DNAAF8: variants seen among roughly 807,000 people sequenced by gnomAD.
DNAAF8 encodes the protein dynein axonemal assembly factor 8.
In DNAAF8, 61 loss-of-function variants were observed where a neutral mutation model predicts 54.6. The observed-to-expected ratio is 1.12, with a 90% CI of 0.91 to 1.38. The LOEUF (loss-of-function observed/expected upper bound fraction) is 1.38, where lower values mean the gene tolerates loss of function less well. Among genes scored for constraint, DNAAF8 ranks in the 40% most tolerant of loss-of-function variants. The pLI, the probability that DNAAF8 is intolerant of heterozygous loss-of-function variation, is 0.00. For synonymous variants in DNAAF8, 320 were observed against 270.1 expected (o/e 1.18, Z -1.81); for missense variants, 837 against 665.0 (o/e 1.26, Z -2.85).
intron 1 of DNAAF8, 67 bp from the exon 2 acceptor site, chr16:4,736,397 G>A (rs944705781): frequency 3.3e-6 from 4 of 1,201,774 alleles, no homozygotes; most frequent in South Asian, 2.4e-5. Flanking sequence ...ACAGCTGGTA[G>A]AGCAGCCCCT....
rs949441911 is a variant in DNAAF8, at chr16:4,737,677, G to A, written c.130-123G>A. On this transcript the variant is annotated intron_variant, in intron 2 of 9. Transcript: ENST00000299320. The stretch of plus-strand genomic sequence containing the variant: ...AGGCTCCTGAGCAGCAGGGCTGGAC[G>A]GGCTGGATGGGCTGGGCGGGCTGGG... The A allele has an allele frequency of 7.2e-6, 9 of 1,251,016 alleles. No individual in the cohort carries two copies. In the Admixed American group the frequency reaches 7.6e-5, roughly 11 times the overall value. The allele number at this position is 1,251,016 out of a possible 1,614,324, so 77.5% of individuals were successfully genotyped here.
Position 4,748,723 on chromosome 16 carries a change from AG to A in DNAAF8, c.*10del, listed in dbSNP as rs1413388068. Reference sequence around the variant, plus strand: ...TGTTTGTCTCCCCAACCTTGTCTCCAGGATGTGTCCTGCTGTCTGCCCCGTG... The same window carrying A: ...TGTTTGTCTCCCCAACCTTGTCTCCAGATGTGTCCTGCTGTCTGCCCCGTG... On this transcript the variant is annotated splice_acceptor_variant, in intron 9 of 9. Transcript: ENST00000299320. LOFTEE classifies it low-confidence loss of function (3UTR_SPLICE). 3.9e-5 allele frequency: 6 copies of A among 152,434 alleles called. No homozygotes were observed. The highest frequency in any genetic ancestry group is 7.3e-5 in the Non-Finnish European group (5 of 68,206). The allele number at this position is 152,434 out of a possible 1,614,324, so 9.4% of individuals were successfully genotyped here. A position where few individuals can be genotyped will look rare whatever the true frequency, so the allele number is the denominator to read the frequency against.
chr16:4,735,673 G>A (rs1316400533), intron 1 of DNAAF8, among the ~76,000 whole-genome samples: 3 of 151,794 alleles, frequency 2.0e-5, no homozygotes, highest in African/African-American at 2.4e-5. Context: ...ACTCCAAACT[G>A]TCAGCCAGGC....
intron 4 of DNAAF8, 105 bp downstream of exon 4, chr16:4,740,764 G>C (rs1014282180): frequency 5.9e-6 from 8 of 1,352,936 alleles, no homozygotes; most frequent in Middle Eastern, 2.7e-4. Context: ...TGGCCCACTA[G>C]GACCTTAGGC....
At position 4,737,731 on chromosome 16, in the gene DNAAF8, G is replaced by C. The variant is rs963778330; in HGVS notation, c.130-69G>C. 5.2e-6 allele frequency: 8 copies of C among 1,553,112 alleles called. No homozygotes were observed. The African/African-American group carries it at 8.1e-5, about 16-fold the overall frequency. On this transcript the variant is annotated intron_variant, in intron 2 of 9. Coordinates refer to ENST00000299320, the MANE Select transcript of DNAAF8 (RefSeq NM_139170.3). ...GAAGTGAGAGTGGAGAGTGGAGAGC[G>C]GGGGTGGCTAGGCCCTCAGGGCTCT...
At position 4,746,974 on chromosome 16, in the gene DNAAF8, T is replaced by A. The variant is rs1322449808; in HGVS notation, c.1229T>A (p.Met410Lys). 2.6e-6 allele frequency: 4 copies of A among 1,552,890 alleles called. No homozygotes were observed. The highest frequency in any genetic ancestry group is 1.7e-4 in the Middle Eastern group (1 of 5,900). The stretch of plus-strand genomic sequence containing the variant: ...AGTGAGGAGGAGGAGGAGGAAGAGA[T>A]GGCAGCTCTGGGAGACGCAGAGGGG... ...SDSEEEEEEE[M>K]AALGDAEGAS... is the part of the protein sequence containing the mutation. The change falls in exon 8 of 10, where the codon ATG becomes AAG. Residue 410 changes from methionine (M) to lysine (K), a missense_variant. By Grantham distance (95) the Met-to-Lys change is moderately conservative. Coordinates refer to ENST00000299320, the MANE Select transcript of DNAAF8 (RefSeq NM_139170.3).
At chr16:4,745,353 C>T (rs1320261089) in intron 6 of DNAAF8, among the ~76,000 whole-genome samples, 1 of 152,200 alleles carries the variant, frequency 6.6e-6, no homozygotes, top group African/African-American at 2.4e-5. Context: ...CCTCTGGCCA[C>T]AGCTGATTGG....
intron 8 of DNAAF8, 116 bp downstream of exon 8, chr16:4,747,141 A>C: frequency 4.1e-6 from 5 of 1,216,728 alleles, no homozygotes; most frequent in Non-Finnish European, 5.7e-6. Context: ...CCCACCGCAC[A>C]GGGTGAGGGG....
In DNAAF8 at chr16:4,744,856, T is replaced by G. The variant is rs758114254; in HGVS notation, c.902-14T>G. ...AAGTCCCCACTAATCAGCCTCTCCT[T>G]TGGCCATCCTCAGACCGCATGGTGC... On this transcript the variant is annotated splice_polypyrimidine_tract_variant and intron_variant, in intron 5 of 9. Coordinates refer to ENST00000299320, the MANE Select transcript of DNAAF8 (RefSeq NM_139170.3). 5.6e-6 allele frequency: 9 copies of G among 1,608,640 alleles called. No individual in the cohort carries two copies. The highest frequency in any genetic ancestry group is 7.6e-6 in the Non-Finnish European group (9 of 1,176,806).
intron 4 of DNAAF8, 31 bp downstream of exon 4, chr16:4,740,690 C>G: frequency 6.5e-7 from 1 of 1,547,952 alleles, no homozygotes; most frequent in Non-Finnish European, 8.7e-7. Flanking sequence ...GGCTGTTTCT[C>G]AGGCCTGTTA....
intron 1 of DNAAF8, 114 bp from the exon 2 acceptor site, chr16:4,736,350 G>C (rs1431649095): frequency 3.0e-6 from 2 of 674,394 alleles, no homozygotes; most frequent in Admixed American, 4.2e-5. Context: ...AGGAAACTGA[G>C]GCAGGTGGTG....
rs773903458 is a variant in DNAAF8 at position 4,740,418 on chromosome 16, C to G, written c.542C>G (p.Pro181Arg). 5.0e-6 allele frequency: 8 copies of G among 1,613,886 alleles called. No homozygotes were observed. The change falls in exon 4 of 10, where the codon CCA (proline) becomes CGA (arginine). Residue 181 changes from proline to arginine, a missense_variant. Pro to Arg is a moderately radical substitution (Grantham distance 103, BLOSUM62 -2). Transcript: ENST00000299320. Reference protein sequence around the residue: ...EATLSCHEGDPKAEPLSTASQ... With the variant: ...EATLSCHEGDRKAEPLSTASQ... ...ACTCTCTCCTGCCATGAAGGAGACC[C>G]AAAGGCAGAGCCCCTCAGCACTGCC...
chr16:4,747,140 C>A (rs2082027991), intron 8 of DNAAF8, 115 bp downstream of exon 8: 3 of 1,228,850 alleles, frequency 2.4e-6, no homozygotes, highest in East Asian at 4.9e-5. Context: ...ACCCACCGCA[C>A]AGGGTGAGGG....
rs150812571 is a variant in DNAAF8 at position 4,746,442 on chromosome 16, A to C, written c.1111A>C (p.Asn371His). ...GCAGCTGGCCCAGGGCATGAGGCTT[A>C]ACGCAGAGTCCCCCACCATCTTTAT... ...GPQLAQGMRL[N>H]AESPTIFIDL... The change falls in exon 7 of 10, where the codon AAC becomes CAC. Residue 371 changes from asparagine (N) to histidine (H), a missense_variant. Physicochemically the swap from Asn to His is moderately conservative, Grantham distance 68. Coordinates refer to ENST00000299320, the MANE Select transcript of DNAAF8 (RefSeq NM_139170.3). 6.2e-7 allele frequency: 1 copy of C among 1,613,606 alleles called. No individual in the cohort carries two copies. Among genetic ancestry groups the C allele is most frequent in the Non-Finnish European group, 8.5e-7 (1 of 1,179,886 alleles).
At chr16:4,739,265 G>GTTTTTTTTTTTTTTTTTATTTTTTTTTT (rs2081932220) in intron 3 of DNAAF8, among the ~76,000 whole-genome samples, 1 of 69,030 alleles carries the variant, frequency 1.4e-5, no homozygotes, top group African/African-American at 5.4e-5. Flanking sequence ...ATTTTTTCTT[G>GTTTTTTTTTTTTTTTTTATTTTTTTTTT]TTTTTTTTTT....
intron 2 of DNAAF8, 119 bp from the exon 3 acceptor site, chr16:4,737,681 T>TGGATGGGCTGGGCG (rs1332982451): frequency 8.5e-6 from 11 of 1,300,028 alleles, no homozygotes; most frequent in Non-Finnish European, 1.2e-5. Context: ...CTGGACGGGC[T>TGGATGGGCTGGGCG]GGATGGGCTG....
intron 4 of DNAAF8, among the ~76,000 whole-genome samples, chr16:4,742,290 T>C (rs923308089): frequency 2.6e-5 from 4 of 152,108 alleles, no homozygotes; most frequent in Non-Finnish European, 5.9e-5. Flanking sequence ...CTCGGTGGCT[T>C]ATGCCTGTAA....
rs1332058888 is a variant in DNAAF8 at position 4,737,612 on chromosome 16, C to T, written c.130-188C>T. Among the ~76,000 whole-genome samples, 5 of 152,292 alleles carry T rather than the reference C, an allele frequency of 3.3e-5. No homozygotes were observed. The East Asian group carries it at 7.7e-4, about 24-fold the overall frequency. ...ATTTCTAAACGGTGGCAAGAAGCCGCGCACAGCAAGGCTGACTGGGAGAGA... is the reference window on the plus strand; with the variant it reads ...ATTTCTAAACGGTGGCAAGAAGCCGTGCACAGCAAGGCTGACTGGGAGAGA... On this transcript the variant is annotated intron_variant, in intron 2 of 9. Coordinates refer to ENST00000299320, the MANE Select transcript of DNAAF8 (RefSeq NM_139170.3).
chr16:4,747,122 C>A, intron 8 of DNAAF8, 97 bp downstream of exon 8: 2 of 1,278,328 alleles, frequency 1.6e-6, no homozygotes, highest in African/African-American at 1.5e-5. Flanking sequence ...GTGGTGAGGT[C>A]TTGCTGCACC....
Sources: gnomAD v4.1 joint callset for allele counts (sites outside exome capture counted in the v4.1 genomes callset) on GRCh38, gnomAD v4.1.1 for gene constraint, MANE v1.5 for transcripts, NCBI Gene and HGNC (gene_info 2026-07-23, HGNC 2026-07-21) for gene names.